The following PTCHD4 variants were observed in gnomAD, a reference collection of about 807,000 sequenced individuals.
The protein encoded by PTCHD4 is patched domain-containing protein 4.
Under a neutral mutation model 58.1 loss-of-function variants are expected in PTCHD4, and 33 were observed. The ratio of observed to expected loss-of-function variants is 0.57; its 90% CI spans 0.43 to 0.76. The LOEUF (loss-of-function observed/expected upper bound fraction) is 0.76. Ranked by LOEUF, PTCHD4 falls within the 30% of genes least tolerant of loss-of-function variation. The pLI, the probability that PTCHD4 is intolerant of heterozygous loss-of-function variation, is 0.00. For missense variants in PTCHD4, 1,058 were observed against 1,027.1 expected, an observed-to-expected ratio of 1.03 and a Z score of -0.41; for synonymous variants, 478 against 409.6, an observed-to-expected ratio of 1.17 and a Z score of -2.02.
chr6:47,999,385 G>C (rs141940240), intron 4 of PTCHD4, among the ~76,000 whole-genome samples: 2 of 152,144 alleles, frequency 1.3e-5, no homozygotes, highest in Admixed American at 6.6e-5. Flanking sequence ...TTAAGAAATA[G>C]CTCCAACTAA....
chr6:48,071,599 A>G lies in PTCHD4; in HGVS notation c.-969-1673T>C, dbSNP rs144891174. Among the ~76,000 whole-genome samples the G allele has an allele frequency of 2.7e-3, 412 of 152,336 alleles. 2 individuals carry two copies. The highest frequency in any genetic ancestry group is 8.5e-3 in the African/African-American group (353 of 41,582). On this transcript the variant is annotated intron_variant, in intron 1 of 4. Transcript: ENST00000339488. ...GAACATTTCCTTATAACCTATGCTC[A>G]GTTTCTCCTATTATTAATATCTTAC...
intron 3 of PTCHD4, among the ~76,000 whole-genome samples, chr6:48,021,599 T>A (rs1763073118): frequency 6.8e-6 from 1 of 147,850 alleles, no homozygotes; most frequent in South Asian, 2.2e-4. Context: ...TCATGCTAAG[T>A]GAAAGCTAGC....
intron 4 of PTCHD4, chr6:47,902,084 T>C: frequency 2.6e-6 from 1 of 388,762 alleles, no homozygotes; most frequent in Non-Finnish European, 4.9e-6. Context: ...ATAACCTGTC[T>C]GATTCTGGGT....
At chr6:47,911,321 C>T (rs565972763) in intron 4 of PTCHD4, among the ~76,000 whole-genome samples, 1 of 152,218 alleles carries the variant, frequency 6.6e-6, no homozygotes, top group East Asian at 1.9e-4. Flanking sequence ...CTATGTAAAC[C>T]TACCACTCCC....
chr6:47,966,455 C>T (rs1490404708), intron 4 of PTCHD4, among the ~76,000 whole-genome samples: 2 of 152,136 alleles, frequency 1.3e-5, no homozygotes, highest in African/African-American at 2.4e-5. Context: ...GCTGACTGAT[C>T]AGCTTGGTGG....
intron 4 of PTCHD4, among the ~76,000 whole-genome samples, chr6:47,893,013 A>T (rs1016427739): frequency 2.0e-4 from 31 of 151,986 alleles, no homozygotes; most frequent in Non-Finnish European, 4.1e-4. Flanking sequence ...TTTATTAGAG[A>T]TCTTTTTATT....
At chr6:48,058,415 T>G (rs528077771) in intron 3 of PTCHD4, among the ~76,000 whole-genome samples, 1 of 152,142 alleles carries the variant, frequency 6.6e-6, no homozygotes, top group South Asian at 2.1e-4. Flanking sequence ...TTTGACTGAG[T>G]GGGGGAAACT....
chr6:47,936,777 A>G (rs1766013952), intron 4 of PTCHD4, among the ~76,000 whole-genome samples: 1 of 152,210 alleles, frequency 6.6e-6, no homozygotes, highest in South Asian at 2.1e-4. Flanking sequence ...ACAAAAAAGG[A>G]TAAGAAATAA....
intron 3 of PTCHD4, among the ~76,000 whole-genome samples, chr6:48,060,515 C>T (rs942925747): frequency 6.6e-5 from 10 of 152,198 alleles, no homozygotes; most frequent in African/African-American, 2.2e-4. Context: ...TTCCTTCTTT[C>T]GTCCAGGCTA....
intron 1 of PTCHD4, among the ~76,000 whole-genome samples, chr6:48,085,268 TTA>T (rs1765241396): frequency 6.6e-6 from 1 of 152,198 alleles, no homozygotes; most frequent in African/African-American, 2.4e-5. Context: ...TTTATAAAAA[TTA>T]AGTTATTTTC....
At chr6:47,949,725 C>T (rs1766561864) in intron 4 of PTCHD4, among the ~76,000 whole-genome samples, 1 of 152,022 alleles carries the variant, frequency 6.6e-6, no homozygotes, top group Admixed American at 6.6e-5. Context: ...ATACAGTCTC[C>T]CCTCCTTACT....
chr6:48,064,557 GA>G (rs761124078), intron 3 of PTCHD4, among the ~76,000 whole-genome samples: 6 of 151,390 alleles, frequency 4.0e-5, no homozygotes, highest in Non-Finnish European at 7.4e-5. Context: ...TTTAATAGTT[GA>G]AAAAAAATAG....
At chr6:47,961,841 G>GTA (rs1344699414) in intron 4 of PTCHD4, among the ~76,000 whole-genome samples, 1 of 152,084 alleles carries the variant, frequency 6.6e-6, no homozygotes, top group Non-Finnish European at 1.5e-5. Context: ...AGACATCTCA[G>GTA]TTTCCACTTT....
rs769024204 is a variant in PTCHD4 at position 47,879,589 on chromosome 6, G to A, written c.1246C>T (p.Pro416Ser). The A allele has an allele frequency of 3.7e-6, 6 of 1,613,752 alleles. No homozygotes were observed. Among genetic ancestry groups the A allele is most frequent in the East Asian group, 2.2e-5 (1 of 44,864 alleles). The change falls in exon 5 of 5, where the codon CCT becomes TCT. Residue 416 changes from proline to serine, a missense_variant. By Grantham distance (74) the Pro-to-Ser change is moderately conservative. Transcript: ENST00000339488. The part of the protein sequence containing the change: ...IPSAEYLDRK[P>S]VWFQTVMSDG... ...CTCATCACTGTCTGGAACCACACAG[G>A]TTTGCGATCCAGGTATTCTGCAGAA...
intron 4 of PTCHD4, among the ~76,000 whole-genome samples, chr6:47,943,225 A>G (rs1282533079): frequency 6.6e-6 from 1 of 152,154 alleles, no homozygotes; most frequent in African/African-American, 2.4e-5. Context: ...AACATGTACA[A>G]TGTCGTGCAT....
chr6:48,021,724 C>G (rs112116370), intron 3 of PTCHD4, among the ~76,000 whole-genome samples: 4 of 152,128 alleles, frequency 2.6e-5, no homozygotes, highest in African/African-American at 9.6e-5. Context: ...GGAAACAGTA[C>G]TGTCATTTAT....
At chr6:48,063,321 G>C (rs1032683521) in intron 3 of PTCHD4, among the ~76,000 whole-genome samples, 5 of 152,166 alleles carry the variant, frequency 3.3e-5, no homozygotes, top group Non-Finnish European at 5.9e-5. Flanking sequence ...GCTTCACTCT[G>C]TGTCACCTTC....
At chr6:47,910,359 T>G (rs564568887) in intron 4 of PTCHD4, among the ~76,000 whole-genome samples, 54 of 152,252 alleles carry the variant, frequency 3.5e-4, no homozygotes, top group African/African-American at 1.2e-3. Context: ...TAGCCCCCTA[T>G]AACTTGAACA....
intron 4 of PTCHD4, among the ~76,000 whole-genome samples, chr6:47,950,728 C>T (rs563705999): frequency 9.9e-5 from 15 of 152,046 alleles, no homozygotes; most frequent in South Asian, 8.3e-4. Flanking sequence ...TGGGGGATGA[C>T]GGAACATAGA....
Sources: gnomAD v4.1 joint callset for allele counts (sites outside exome capture counted in the v4.1 genomes callset) on GRCh38, gnomAD v4.1.1 for gene constraint, MANE v1.5 for transcripts, NCBI Gene and HGNC (gene_info 2026-07-23, HGNC 2026-07-21) for gene names.